Variants in MAPRE2 observed in about 807,000 individuals in gnomAD.
MAPRE2 encodes the protein microtubule associated protein RP/EB family member 2.
Under a neutral mutation model 43.2 loss-of-function variants are expected in MAPRE2, and 13 were observed. That is an observed-to-expected ratio of 0.30 (90% confidence interval 0.20 to 0.48). MAPRE2 has a LOEUF of 0.48. MAPRE2 is among the 20% of genes least tolerant of loss of function. The pLI is 0.99. For synonymous variants in MAPRE2, 135 were observed against 148.8 expected, an observed-to-expected ratio of 0.91 and a Z score of 0.68; for missense variants, 161 against 400.2, an observed-to-expected ratio of 0.40 and a Z score of 5.10.
At chr18:35,057,507 C>CGTGTGTGT (rs58171272) in intron 1 of MAPRE2, among the ~76,000 whole-genome samples, 9,392 of 149,444 alleles carry the variant, frequency 0.063, 695 homozygotes, top group African/African-American at 0.18. Context: ...GGAGTGTGTG[C>CGTGTGTGT]GTGTGTGTGT....
intron 3 of MAPRE2, among the ~76,000 whole-genome samples, chr18:35,098,816 CTA>C (rs1165255225): frequency 6.6e-6 from 1 of 152,130 alleles, no homozygotes; most frequent in Admixed American, 6.5e-5. Context: ...CCATATCTCT[CTA>C]GAAGTATATA....
intron 1 of MAPRE2, among the ~76,000 whole-genome samples, chr18:35,000,526 G>T (rs906143511): frequency 6.6e-6 from 1 of 152,162 alleles, no homozygotes; most frequent in Non-Finnish European, 1.5e-5. Flanking sequence ...GCTATGCCTT[G>T]GACATGGGAT....
intron 1 of MAPRE2, among the ~76,000 whole-genome samples, chr18:34,990,691 G>A (rs1280295746): frequency 1.3e-5 from 2 of 152,024 alleles, no homozygotes; most frequent in Non-Finnish European, 2.9e-5. Context: ...ACAGTCAAAA[G>A]CACAGTACTT....
chr18:35,044,280 G>A (rs929952590), intron 1 of MAPRE2, among the ~76,000 whole-genome samples: 2 of 152,188 alleles, frequency 1.3e-5, no homozygotes, highest in Admixed American at 6.5e-5. Flanking sequence ...GCCCAGGCTG[G>A]CATGTAATGG....
At chr18:34,978,508 A>T (rs1227699264) in intron 1 of MAPRE2, 1 of 1,551,570 alleles carries the variant, frequency 6.4e-7, no homozygotes, top group African/African-American at 1.4e-5. Context: ...GCTGAATAGG[A>T]CACTGTGGAA....
At chr18:34,992,787 G>A (rs1354823424) in intron 1 of MAPRE2, among the ~76,000 whole-genome samples, 4 of 152,138 alleles carry the variant, frequency 2.6e-5, no homozygotes, top group Admixed American at 1.3e-4. Flanking sequence ...TGCCATTATA[G>A]CTGTTCAAAA....
chr18:35,010,787 A>G (rs2097034189), intron 2 of MAPRE2, among the ~76,000 whole-genome samples: 1 of 152,136 alleles, frequency 6.6e-6, no homozygotes, highest in Non-Finnish European at 1.5e-5. Context: ...TGTGTTGGTA[A>G]GACTTAAGAA....
chr18:34,983,697 T>C (rs1418464757), intron 1 of MAPRE2, among the ~76,000 whole-genome samples: 1 of 152,206 alleles, frequency 6.6e-6, no homozygotes, highest in Admixed American at 6.5e-5. Context: ...TGGTACTGTC[T>C]TGGCTCACTG....
At chr18:35,108,579 T>C (rs766859886) in intron 4 of MAPRE2, among the ~76,000 whole-genome samples, 2 of 152,142 alleles carry the variant, frequency 1.3e-5, no homozygotes, top group Non-Finnish European at 2.9e-5. Context: ...GTAATTTACA[T>C]TCCCACCAAC....
chr18:35,033,147 C>T (rs924624578), intron 2 of MAPRE2, among the ~76,000 whole-genome samples: 15 of 152,040 alleles, frequency 9.9e-5, no homozygotes, highest in Non-Finnish European at 2.1e-4. Context: ...AGCAGCACAT[C>T]AAAAAGCTTA....
chr18:35,088,153 G>C (rs1011664764), intron 2 of MAPRE2, among the ~76,000 whole-genome samples: 2 of 152,144 alleles, frequency 1.3e-5, no homozygotes, highest in Admixed American at 6.6e-5. Flanking sequence ...CAACATAAGA[G>C]TTAATACAAT....
intron 4 of MAPRE2, among the ~76,000 whole-genome samples, chr18:35,110,204 C>T (rs1569007417): frequency 1.3e-5 from 2 of 152,232 alleles, no homozygotes; most frequent in East Asian, 1.9e-4. Context: ...GTCTAATACA[C>T]GTTGGCTTTT....
intron 2 of MAPRE2, among the ~76,000 whole-genome samples, chr18:35,015,619 T>G (rs2097037651): frequency 6.8e-6 from 1 of 147,208 alleles, no homozygotes; most frequent in African/African-American, 2.5e-5. Context: ...TTGGTGGGTG[T>G]GTATAGGGAT....
intron 2 of MAPRE2, among the ~76,000 whole-genome samples, chr18:35,008,689 T>C (rs533005262): frequency 3.3e-5 from 5 of 152,270 alleles, no homozygotes; most frequent in African/African-American, 1.2e-4. Flanking sequence ...TTGTTGTTGG[T>C]TTGGTTTCGT....
intron 1 of MAPRE2, among the ~76,000 whole-genome samples, chr18:34,992,540 C>T (rs1056238241): frequency 6.6e-6 from 1 of 152,180 alleles, no homozygotes; most frequent in Non-Finnish European, 1.5e-5. Context: ...TTTACCCATC[C>T]ACTCTCCACA....
chr18:35,033,855 A>G (rs1246382783), intron 2 of MAPRE2, among the ~76,000 whole-genome samples: 1 of 144,746 alleles, frequency 6.9e-6, no homozygotes, highest in Non-Finnish European at 1.5e-5. Context: ...TGCTCAAGGA[A>G]ATAAAAGAGG....
At chr18:35,001,054 T>C (rs945782229) in intron 1 of MAPRE2, among the ~76,000 whole-genome samples, 1 of 152,196 alleles carries the variant, frequency 6.6e-6, no homozygotes, top group Non-Finnish European at 1.5e-5. Flanking sequence ...ATTGTGCCTG[T>C]GAATAGCCTC....
At chr18:34,992,537 A>G (rs2097024341) in intron 1 of MAPRE2, among the ~76,000 whole-genome samples, 1 of 152,164 alleles carries the variant, frequency 6.6e-6, no homozygotes, top group East Asian at 1.9e-4. Context: ...AACTTTACCC[A>G]TCCACTCTCC....
intron 5 of MAPRE2, among the ~76,000 whole-genome samples, chr18:35,129,016 A>G (rs968440673): frequency 3.3e-5 from 5 of 152,106 alleles, no homozygotes; most frequent in Non-Finnish European, 7.3e-5. Flanking sequence ...ACCATCCACA[A>G]TGCCACTCAG....
Sources: gnomAD v4.1 joint callset for allele counts (sites outside exome capture counted in the v4.1 genomes callset) on GRCh38, gnomAD v4.1.1 for gene constraint, MANE v1.5 for transcripts, NCBI Gene and HGNC (gene_info 2026-07-23, HGNC 2026-07-21) for gene names.